DCDC1: variants seen among roughly 807,000 people sequenced by gnomAD.
DCDC1 encodes doublecortin domain-containing protein 1.
A neutral mutation model predicts 178.3 loss-of-function variants in DCDC1; 200 were observed. The ratio of observed to expected loss-of-function variants is 1.12; its 90% CI spans 1.00 to 1.26. DCDC1 has a LOEUF of 1.26. Ranked by LOEUF, DCDC1 falls within the 50% of genes most tolerant of loss-of-function variation. The pLI, the probability that DCDC1 is intolerant of heterozygous loss-of-function variation, is 0.00. For synonymous variants in DCDC1, 690 were observed against 604.8 expected, an observed-to-expected ratio of 1.14 and a Z score of -2.07; for missense variants, 1,983 against 1,749.2, an observed-to-expected ratio of 1.13 and a Z score of -2.38.
intron 8 of DCDC1, among the ~76,000 whole-genome samples, chr11:31,259,266 T>A (rs1944623190): frequency 6.6e-6 from 1 of 151,940 alleles, no homozygotes; most frequent in Admixed American, 6.6e-5. Flanking sequence ...GGCAGGAGAA[T>A]CACCTGAACC....
chr11:31,166,848 C>T (rs2136196909), intron 9 of DCDC1, among the ~76,000 whole-genome samples: 1 of 152,172 alleles, frequency 6.6e-6, no homozygotes, highest in Middle Eastern at 3.4e-3. Flanking sequence ...CCCCACCAAG[C>T]TTTCTCCTTC....
intron 29 of DCDC1, 99 bp from the exon 30 acceptor site, chr11:30,906,824 C>G: frequency 9.7e-7 from 1 of 1,033,498 alleles, no homozygotes; most frequent in South Asian, 3.5e-5. Flanking sequence ...CTTTTAACAC[C>G]CCAAAATGCT....
intron 20 of DCDC1, among the ~76,000 whole-genome samples, chr11:31,015,933 C>T (rs1052420422): frequency 6.6e-6 from 1 of 152,150 alleles, no homozygotes; most frequent in African/African-American, 2.4e-5. Flanking sequence ...AAATGTCTAA[C>T]ATGCAAAGGT....
At chr11:31,152,312 T>C (rs1965253599) in intron 9 of DCDC1, among the ~76,000 whole-genome samples, 1 of 152,180 alleles carries the variant, frequency 6.6e-6, no homozygotes, top group Admixed American at 6.5e-5. Context: ...CTTAGTCACA[T>C]GGCCATTTCC....
intron 1 of DCDC1, among the ~76,000 whole-genome samples, chr11:31,346,890 C>G (rs1223092334): frequency 6.6e-6 from 1 of 152,116 alleles, no homozygotes; most frequent in Non-Finnish European, 1.5e-5. Context: ...ATATTTTAAA[C>G]AAATCATATG....
chr11:31,122,636 T>A (rs1027330398), intron 11 of DCDC1, among the ~76,000 whole-genome samples: 2 of 152,122 alleles, frequency 1.3e-5, no homozygotes, highest in Admixed American at 1.3e-4. Context: ...TGTATCCACA[T>A]CCATCCTATG....
At position 30,878,553 on chromosome 11, in the gene DCDC1, A is replaced by G. The variant is rs1252283771; in HGVS notation, c.*31T>C. The stretch of plus-strand genomic sequence containing the variant: ...GTGCACATAGCTATACCAGAAAAAT[A>G]CAGCAGAAAATCCGATGGTTCTGAT... On this transcript the variant is annotated 3_prime_UTR_variant, in exon 38 of 39. Coordinates refer to ENST00000684477, the MANE Select transcript of DCDC1 (RefSeq NM_001387274.1). The G allele has an allele frequency of 6.4e-7, 1 of 1,573,722 alleles. No homozygotes were observed. The highest frequency in any genetic ancestry group is 8.6e-7 in the Non-Finnish European group (1 of 1,164,966).
chr11:31,223,032 C>T (rs377686485), intron 9 of DCDC1, among the ~76,000 whole-genome samples: 1 of 152,058 alleles, frequency 6.6e-6, no homozygotes, highest in Non-Finnish European at 1.5e-5. Context: ...AAATATCAAA[C>T]ATTAAAATAT....
At chr11:31,275,258 T>C (rs188622976) in intron 7 of DCDC1, among the ~76,000 whole-genome samples, 1 of 152,350 alleles carries the variant, frequency 6.6e-6, no homozygotes, top group Admixed American at 6.5e-5. Context: ...AAAGTATGCA[T>C]AATTCCAGAA....
intron 9 of DCDC1, among the ~76,000 whole-genome samples, chr11:31,168,461 T>C (rs1966860722): frequency 6.6e-6 from 1 of 152,222 alleles, no homozygotes; most frequent in East Asian, 1.9e-4. Flanking sequence ...ACAAGGAACA[T>C]GGTTTTCTAG....
chr11:31,143,540 A>G (rs2136043242), intron 9 of DCDC1, among the ~76,000 whole-genome samples: 1 of 152,320 alleles, frequency 6.6e-6, no homozygotes, highest in African/African-American at 2.4e-5. Context: ...GAACTTAAAT[A>G]TAAGTGGAGC....
At chr11:30,936,515 A>T (rs1947289082) in intron 21 of DCDC1, among the ~76,000 whole-genome samples, 1 of 152,132 alleles carries the variant, frequency 6.6e-6, no homozygotes, top group South Asian at 2.1e-4. Flanking sequence ...TTCCTTCCTA[A>T]GCTCATGCAG....
intron 20 of DCDC1, among the ~76,000 whole-genome samples, chr11:30,974,802 CT>C (rs1249134752): frequency 6.6e-6 from 1 of 152,028 alleles, no homozygotes; most frequent in African/African-American, 2.4e-5. Flanking sequence ...TTTACCAGCT[CT>C]CTTCAAACTA....
intron 18 of DCDC1, among the ~76,000 whole-genome samples, chr11:31,067,652 A>G (rs1488320269): frequency 6.6e-6 from 1 of 152,186 alleles, no homozygotes; most frequent in Non-Finnish European, 1.5e-5. Context: ...AATGCCATTA[A>G]CTGATAAATG....
intron 21 of DCDC1, among the ~76,000 whole-genome samples, chr11:30,939,936 T>C (rs746226772): frequency 6.6e-5 from 10 of 152,346 alleles, no homozygotes; most frequent in South Asian, 2.1e-4. Context: ...ATTCTATTTT[T>C]TCTATGGTTT....
intron 38 of DCDC1, among the ~76,000 whole-genome samples, chr11:30,874,486 G>A (rs1230978980): frequency 1.3e-5 from 2 of 152,080 alleles, no homozygotes; most frequent in African/African-American, 2.4e-5. Context: ...CCAGGAAGAC[G>A]GGAAAAGGCC....
chr11:30,914,446 G>C (rs968433866), intron 27 of DCDC1, among the ~76,000 whole-genome samples: 2 of 152,138 alleles, frequency 1.3e-5, no homozygotes, highest in African/African-American at 4.8e-5. Context: ...GAAAATCTCA[G>C]CTCTTTCCCA....
chr11:31,241,215 C>T (rs1458380941), intron 9 of DCDC1, among the ~76,000 whole-genome samples: 3 of 151,830 alleles, frequency 2.0e-5, no homozygotes, highest in Non-Finnish European at 4.4e-5. Flanking sequence ...GCCCAGTATG[C>T]GCTGCAAGAA....
At chr11:31,342,296 C>A (rs1306027156) in intron 1 of DCDC1, among the ~76,000 whole-genome samples, 1 of 152,162 alleles carries the variant, frequency 6.6e-6, no homozygotes, top group Admixed American at 6.5e-5. Flanking sequence ...TACCTATTGA[C>A]ATAAGAGAAT....
Sources: gnomAD v4.1 joint callset for allele counts (sites outside exome capture counted in the v4.1 genomes callset) on GRCh38, gnomAD v4.1.1 for gene constraint, MANE v1.5 for transcripts, NCBI Gene and HGNC (gene_info 2026-07-23, HGNC 2026-07-21) for gene names.